Variants in KLHL3 observed in about 807,000 individuals in gnomAD.
KLHL3 encodes kelch like family member 3.
Under a neutral mutation model 70.5 loss-of-function variants are expected in KLHL3, and 19 were observed. The ratio of observed to expected loss-of-function variants is 0.27; its 90% confidence interval spans 0.19 to 0.40. The LOEUF (loss-of-function observed/expected upper bound fraction) is 0.40, where lower values mean the gene tolerates loss of function less well. Among genes scored for constraint, KLHL3 ranks in the 10% least tolerant of loss-of-function variants. KLHL3 has a pLI of 1.00. For missense variants in KLHL3, 512 were observed against 771.1 expected, an observed-to-expected ratio of 0.66 and a Z score of 3.98; for synonymous variants, 258 against 290.3, an observed-to-expected ratio of 0.89 and a Z score of 1.13.
At chr5:137,632,239 A>G (rs1750656055) in intron 12 of KLHL3, among the ~76,000 whole-genome samples, 1 of 152,228 alleles carries the variant, frequency 6.6e-6, no homozygotes, top group Non-Finnish European at 1.5e-5. Flanking sequence ...GAAGTATCAC[A>G]TTACCTGACT....
intron 12 of KLHL3, 112 bp from the exon 13 acceptor site, chr5:137,628,549 G>A (rs1475090977): frequency 9.2e-6 from 11 of 1,195,328 alleles, no homozygotes; most frequent in Non-Finnish European, 1.2e-5. Context: ...CTTGGGGAGT[G>A]CCATTTTGTC....
intron 11 of KLHL3, among the ~76,000 whole-genome samples, chr5:137,636,903 G>A (rs755992773): frequency 1.3e-4 from 20 of 152,204 alleles, no homozygotes; most frequent in Non-Finnish European, 2.8e-4. Context: ...ATATGAATAT[G>A]AGGACAAAAT....
chr5:137,664,214 G>A lies in KLHL3; in HGVS notation c.637-2183C>T, dbSNP rs148828850. On this transcript the variant is annotated intron_variant, in intron 6 of 14. Transcript: ENST00000309755. The stretch of plus-strand genomic sequence containing the variant: ...AAGATACAAAAATCAGCCAGGCATG[G>A]TGGTGCATGCCTATAGTCCCAGCTA... Among the ~76,000 whole-genome samples the A allele has an allele frequency of 7.9e-3, 1,196 of 151,948 alleles. 10 individuals carry two copies. The highest frequency in any genetic ancestry group is 0.02 in the Middle Eastern group (6 of 294).
intron 8 of KLHL3, among the ~76,000 whole-genome samples, chr5:137,649,479 T>TC (rs1319796188): frequency 6.6e-6 from 1 of 152,068 alleles, no homozygotes; most frequent in East Asian, 1.9e-4. Context: ...AATCAGATCC[T>TC]CCCCAAACAA....
intron 5 of KLHL3, among the ~76,000 whole-genome samples, chr5:137,683,802 G>GCACACA (rs1208563344): frequency 2.7e-5 from 4 of 150,268 alleles, no homozygotes; most frequent in African/African-American, 9.8e-5. Context: ...ACACATGCAC[G>GCACACA]CGCACACACA....
chr5:137,722,646 C>T (rs775936982), intron 1 of KLHL3, among the ~76,000 whole-genome samples: 89 of 152,008 alleles, frequency 5.9e-4, no homozygotes, highest in Non-Finnish European at 1.1e-3. Flanking sequence ...AACATTTTTG[C>T]TTTTGGTATT....
chr5:137,704,157 G>A (rs528508093), intron 3 of KLHL3, among the ~76,000 whole-genome samples: 15 of 152,196 alleles, frequency 9.9e-5, no homozygotes, highest in African/African-American at 2.2e-4. Context: ...AGGCCGAGGC[G>A]GGTGGATCAT....
At position 137,639,181 on chromosome 5, in the gene KLHL3, C is replaced by A; in HGVS notation, c.1022-31G>T. On this transcript the variant is annotated intron_variant, in intron 9 of 14. Transcript: ENST00000309755. The surrounding 1 kb of genome is among the most constrained non-coding windows in gnomAD (Gnocchi z 5.0). Reference sequence around the variant, plus strand: ...GCACAGGAAACCAAGACATCAAGGTCAGGTCAGGCGCATGACTGCTCATGT... The same window carrying A: ...GCACAGGAAACCAAGACATCAAGGTAAGGTCAGGCGCATGACTGCTCATGT... 1 of 1,607,376 alleles carries A rather than the reference C, an allele frequency of 6.2e-7. No individual in the cohort carries two copies. Among genetic ancestry groups the A allele is most frequent in the Non-Finnish European group, 8.5e-7 (1 of 1,176,042 alleles).
At chr5:137,717,600 T>C (rs1240513101) in intron 2 of KLHL3, among the ~76,000 whole-genome samples, 1 of 152,236 alleles carries the variant, frequency 6.6e-6, no homozygotes, top group Non-Finnish European at 1.5e-5. Context: ...GAGACTTTTA[T>C]TGTGCCACAA....
At chr5:137,640,526 G>C (rs561076973) in intron 8 of KLHL3, among the ~76,000 whole-genome samples, 1 of 152,196 alleles carries the variant, frequency 6.6e-6, no homozygotes, top group East Asian at 1.9e-4. Flanking sequence ...ATTTCCACAA[G>C]TAAGGTAGTA....
chr5:137,634,073 A>G lies in KLHL3; in HGVS notation c.1414T>C (p.Tyr472His). 6.2e-7 allele frequency: 1 copy of G among 1,614,198 alleles called. No homozygotes were observed. Among genetic ancestry groups the G allele is most frequent in the African/African-American group, 1.3e-5 (1 of 75,062 alleles). ...CGGCGGGTGCTCATGTCCGCCACGT[A>G]TATCCATTCATTGGTCGCTGGGTTG... ...QYNPATNEWI[Y>H]VADMSTRRSG... Residue 472 changes from tyrosine to histidine, a missense_variant, in exon 12 of 15, where the codon TAC becomes CAC. Coordinates refer to ENST00000309755, the MANE Select transcript of KLHL3 (RefSeq NM_017415.3).
At chr5:137,726,633 C>A (rs1225853038) in intron 1 of KLHL3, among the ~76,000 whole-genome samples, 1 of 152,116 alleles carries the variant, frequency 6.6e-6, no homozygotes, top group African/African-American at 2.4e-5. Context: ...TTTCAGGGTA[C>A]AAATCCAACC....
chr5:137,692,027 C>T (rs1752334989), intron 5 of KLHL3, among the ~76,000 whole-genome samples: 1 of 152,210 alleles, frequency 6.6e-6, no homozygotes, highest in Non-Finnish European at 1.5e-5. Flanking sequence ...TCTCCCCACT[C>T]CCCAAATCTT....
chr5:137,735,283 C>T (rs562423006), intron 1 of KLHL3, among the ~76,000 whole-genome samples: 4 of 152,208 alleles, frequency 2.6e-5, no homozygotes, highest in South Asian at 2.1e-4. Flanking sequence ...GGAAAGGAGC[C>T]AGGAAAGGGA....
At chr5:137,709,698 C>T (rs2149929330) in intron 3 of KLHL3, 52 bp downstream of exon 3, 2 of 1,373,576 alleles carry the variant, frequency 1.5e-6, no homozygotes, top group East Asian at 2.3e-5. Flanking sequence ...AACATTCTCC[C>T]AGTGGGGCTG....
chr5:137,692,307 CAGA>C lies in KLHL3; in HGVS notation c.501_503del (p.Leu168del), dbSNP rs1752343055. On this transcript the variant is annotated inframe_deletion, in exon 5 of 15. Transcript: ENST00000309755. ...TACCTGCGTAGGCATTGGCCTGCTG[CAGA>C]AGGTCAGTGCAGGTGTGTACATCTG... The C allele has an allele frequency of 6.2e-7, 1 of 1,612,770 alleles. No individual in the cohort carries two copies. The highest frequency in any genetic ancestry group is 1.7e-5 in the Admixed American group (1 of 59,954).
chr5:137,632,861 A>G (rs1750671920), intron 12 of KLHL3, among the ~76,000 whole-genome samples: 1 of 152,236 alleles, frequency 6.6e-6, no homozygotes, highest in African/African-American at 2.4e-5. Flanking sequence ...ACATACAGAC[A>G]TTTCTCAAAA....
At chr5:137,680,059 G>C (rs903629189) in intron 5 of KLHL3, among the ~76,000 whole-genome samples, 1 of 152,146 alleles carries the variant, frequency 6.6e-6, no homozygotes, top group Non-Finnish European at 1.5e-5. Context: ...GAAAAGACAG[G>C]AACAGGATGC....
At chr5:137,675,555 T>C (rs74559404) in intron 6 of KLHL3, among the ~76,000 whole-genome samples, 1,713 of 152,160 alleles carry the variant, frequency 0.011, 33 homozygotes, top group African/African-American at 0.039. Flanking sequence ...TTAAGGAAAC[T>C]AAGGTTCAAA....
Sources: allele counts gnomAD v4.1 joint callset (sites outside exome capture counted in the v4.1 genomes callset), GRCh38; gene constraint gnomAD v4.1.1; non-coding constraint Gnocchi (gnomAD v3.1); transcripts MANE v1.5; gene names NCBI Gene and HGNC (gene_info 2026-07-23, HGNC 2026-07-21).